TRMT10A: variants seen among roughly 807,000 people sequenced by gnomAD.
The protein encoded by TRMT10A is tRNA methyltransferase 10 homolog A.
A neutral mutation model predicts 40.4 loss-of-function variants in TRMT10A; 37 were observed. That is an observed-to-expected ratio of 0.92 (90% CI 0.71 to 1.21). TRMT10A has a LOEUF of 1.21. TRMT10A is among the 50% of genes most tolerant of loss of function. The pLI, the probability that TRMT10A is intolerant of heterozygous loss-of-function variation, is 0.00. For missense variants in TRMT10A, 388 were observed against 404.3 expected (o/e 0.96, Z 0.35); for synonymous variants, 103 against 134.1 (o/e 0.77, Z 1.60).
intron 4 of TRMT10A, 98 bp downstream of exon 4, chr4:99,557,247 C>T (rs1724196548): frequency 8.3e-7 from 1 of 1,208,382 alleles, no homozygotes; most frequent in South Asian, 1.6e-5. Context: ...ACAAGATTAC[C>T]TGTAAGACTA....
intron 1 of TRMT10A, 123 bp downstream of exon 1, chr4:99,563,790 C>T (rs1724567368): frequency 3.6e-6 from 2 of 555,846 alleles, no homozygotes; most frequent in Middle Eastern, 3.0e-4. Context: ...ACCACTTCCA[C>T]ACCACTGCTC....
intron 6 of TRMT10A, among the ~76,000 whole-genome samples, chr4:99,552,890 G>C (rs35112301): frequency 0.087 from 13,096 of 150,436 alleles, 1,026 homozygotes; most frequent in African/African-American, 0.2. Context: ...ATACTTGGTG[G>C]GGGGGGGAGG....
chr4:99,557,309 G>A, intron 4 of TRMT10A, 36 bp downstream of exon 4: 1 of 1,581,650 alleles, frequency 6.3e-7, no homozygotes, highest in Non-Finnish European at 8.6e-7. Flanking sequence ...AGACATAAAA[G>A]AAAACTAGAG....
At chr4:99,559,057 G>T in intron 2 of TRMT10A, 97 bp downstream of exon 2, 1 of 1,217,240 alleles carries the variant, frequency 8.2e-7, no homozygotes, top group Non-Finnish European at 1.1e-6. Context: ...TGAATTTTAA[G>T]TAACACAATT....
Position 99,559,167 on chromosome 4 carries a change from G to A in TRMT10A, c.172C>T (p.Arg58Trp), listed in dbSNP as rs767807581. The change falls in exon 2 of 8, where the codon CGG (arginine) becomes TGG (tryptophan). Residue 58 changes from arginine to tryptophan, a missense_variant. By Grantham distance (101) the Arg-to-Trp change is moderately radical. Transcript: ENST00000394876. ...LIKQKQWEEQ[R>W]ELRKQKRKEK... The stretch of plus-strand genomic sequence containing the variant: ...TGAAACACATACTTGCGGAGTTCCC[G>A]TTGCTCTTCCCATTGTTTCTGTTTT... 12 of 1,611,844 alleles carry A rather than the reference G, an allele frequency of 7.4e-6. No homozygotes were observed. Among genetic ancestry groups the A allele is most frequent in the East Asian group, 6.7e-5 (3 of 44,830 alleles).
rs762306819 is a variant in TRMT10A at position 99,559,261 on chromosome 4, C to G, written c.78G>C (p.Glu26Asp). The change falls in exon 2 of 8, where the codon GAG becomes GAC. Residue 26 changes from glutamate to aspartate, a missense_variant. Transcript: ENST00000394876. The part of the protein sequence containing the change: ...DKKQGINEDQ[E>D]ESQKPRLGEG... ...CACCTAATCTTGGCTTCTGGCTCTC[C>G]TCTTGATCTTCATTTATGCCTTGCT... The G allele has an allele frequency of 1.2e-5, 20 of 1,613,444 alleles. No individual in the cohort carries two copies. Among genetic ancestry groups the G allele is most frequent in the Non-Finnish European group, 1.6e-5 (19 of 1,179,658 alleles).
At position 99,547,033 on chromosome 4, in the gene TRMT10A, T is replaced by TGTGACCTTATTTGGA. The variant is rs1723762224; in HGVS notation, c.*2040_*2054dup. On this transcript the variant is annotated 3_prime_UTR_variant, in exon 8 of 8. Transcript: ENST00000394876. Reference sequence around the variant, plus strand: ...ATCCTAACACATGGTACCCTGTAAATGTGACCTTATTTGGAGACAGGGTCT... The same window carrying TGTGACCTTATTTGGA: ...ATCCTAACACATGGTACCCTGTAAATGTGACCTTATTTGGAGTGACCTTATTTGGAGACAGGGTCT... The TGTGACCTTATTTGGA allele has an allele frequency of 6.6e-6, 1 of 151,938 alleles. No individual in the cohort carries two copies. The highest frequency in any genetic ancestry group is 2.4e-5 in the African/African-American group (1 of 41,330). The allele number at this position is 151,938 out of a possible 1,614,324, so 9.4% of individuals were successfully genotyped here. A position where few individuals can be genotyped will look rare whatever the true frequency, so the allele number is the denominator to read the frequency against.
intron 1 of TRMT10A, among the ~76,000 whole-genome samples, chr4:99,562,171 CAA>C (rs1217975062): frequency 4.2e-5 from 4 of 94,286 alleles, no homozygotes; most frequent in Non-Finnish European, 4.4e-5. Flanking sequence ...ACTCCGTCTC[CAA>C]AAAAAAAAAA....
In TRMT10A at chr4:99,548,942, T is replaced by TA; in HGVS notation, c.*145_*146insT. 1.3e-6 allele frequency: 1 copy of TA among 745,542 alleles called. No individual in the cohort carries two copies. Among genetic ancestry groups the TA allele is most frequent in the Non-Finnish European group, 2.0e-6 (1 of 511,088 alleles). 46.2% of individuals were successfully genotyped at this position (745,542 alleles called of 1,614,324 possible). A position where few individuals can be genotyped will look rare whatever the true frequency, so the allele number is the denominator to read the frequency against. ...CTTACAAAGTTTAAAGGGCTTTTTT[T>TA]TTTATTATTATTTAGGTCCAAAAAA... On this transcript the variant is annotated 3_prime_UTR_variant, in exon 8 of 8. Coordinates refer to ENST00000394876, the MANE Select transcript of TRMT10A (RefSeq NM_001134665.3).
intron 1 of TRMT10A, among the ~76,000 whole-genome samples, chr4:99,559,764 C>A (rs1487090646): frequency 1.3e-5 from 2 of 152,074 alleles, no homozygotes; most frequent in Non-Finnish European, 2.9e-5. Flanking sequence ...AAGTTAGAAA[C>A]CTCCTGAATG....
At chr4:99,558,826 A>C (rs17029135) in intron 2 of TRMT10A, among the ~76,000 whole-genome samples, 25,276 of 152,016 alleles carry the variant, frequency 0.17, 2,627 homozygotes, top group East Asian at 0.44. Flanking sequence ...TACATCCCTT[A>C]TCTAAGTCAG....
Position 99,547,517 on chromosome 4 carries a change from AT to A in TRMT10A, c.*1570del, listed in dbSNP as rs1723783127. Reference sequence around the variant, plus strand: ...ACAGTGCCCTATTTTACATAAAATAATTTAAGTAAAAGGCATAATATTTCAT... The same window carrying A: ...ACAGTGCCCTATTTTACATAAAATAATTAAGTAAAAGGCATAATATTTCAT... On this transcript the variant is annotated 3_prime_UTR_variant, in exon 8 of 8. Transcript: ENST00000394876. The A allele has an allele frequency of 1.3e-5, 2 of 152,144 alleles. No homozygotes were observed. Among genetic ancestry groups the A allele is most frequent in the African/African-American group, 2.4e-5 (1 of 41,450 alleles). 9.4% of individuals were successfully genotyped at this position (152,144 alleles called of 1,614,324 possible).
Position 99,564,008 on chromosome 4 carries a change from A to G in TRMT10A, c.-119T>C. ...CACGCTTCCTTCCACAGAAACTTCA[A>G]TTCCCAGAGGCAGGGGCGGTAGTTA... On this transcript the variant is annotated 5_prime_UTR_variant, in exon 1 of 8. Transcript: ENST00000394876. 6.7e-7 allele frequency: 1 copy of G among 1,483,936 alleles called. No homozygotes were observed. Among genetic ancestry groups the G allele is most frequent in the East Asian group, 2.5e-5 (1 of 40,614 alleles). 91.9% of individuals were successfully genotyped at this position (1,483,936 alleles called of 1,614,324 possible). A position where few individuals can be genotyped will look rare whatever the true frequency, so the allele number is the denominator to read the frequency against.
rs757530247 is a variant in TRMT10A, at chr4:99,549,273, C to T, written c.835G>A (p.Val279Ile). 1 of 1,614,160 alleles carries T rather than the reference C, an allele frequency of 6.2e-7. No individual in the cohort carries two copies. The highest frequency in any genetic ancestry group is 1.7e-5 in the Admixed American group (1 of 60,014). Reference sequence around the variant, plus strand: ...CTTTCACAGGCTTTGTCTGTGGGAACAGCTCCTTTCCGTTGGGGCAAGATA... The same window carrying T: ...CTTTCACAGGCTTTGTCTGTGGGAATAGCTCCTTTCCGTTGGGGCAAGATA... Reference protein sequence around the residue: ...FTILPQRKGAVPTDKACESAS... With the variant: ...FTILPQRKGAIPTDKACESAS... The change falls in exon 8 of 8, where the codon GTT becomes ATT. Residue 279 changes from valine to isoleucine, a missense_variant. Coordinates refer to ENST00000394876, the MANE Select transcript of TRMT10A (RefSeq NM_001134665.3).
At position 99,558,129 on chromosome 4, in the gene TRMT10A, TTC is replaced by T; in HGVS notation, c.266_267del (p.Arg89LysfsTer10). On this transcript the variant is annotated frameshift_variant, in exon 3 of 8. Transcript: ENST00000394876. LOFTEE classifies it high-confidence loss of function. ...TGAACAACATCTCTTCGAACACGTT[TTC>T]TGTCATGTCCATCTGAGTTTGGTTC... ...QMEPNSDGHD[R>X]KRVRRDVVHS... is the part of the protein sequence containing the mutation. The T allele has an allele frequency of 6.2e-7, 1 of 1,612,848 alleles. No individual in the cohort carries two copies. Among genetic ancestry groups the T allele is most frequent in the Non-Finnish European group, 8.5e-7 (1 of 1,179,470 alleles).
At chr4:99,559,922 A>C (rs558050783) in intron 1 of TRMT10A, among the ~76,000 whole-genome samples, 5 of 152,276 alleles carry the variant, frequency 3.3e-5, no homozygotes, top group South Asian at 2.1e-4. Flanking sequence ...CAATATATAC[A>C]TTACGACCAA....
rs1723815454 is a variant in TRMT10A at position 99,548,293 on chromosome 4, T to C, written c.*795A>G. On this transcript the variant is annotated 3_prime_UTR_variant, in exon 8 of 8. Transcript: ENST00000394876. ...AGAGCCAACAAATTTAAAAAAAATA[T>C]GGAAAAAAAAACCACAGCTGCTAAG... 1 of 150,930 alleles carries C rather than the reference T, an allele frequency of 6.6e-6. No homozygotes were observed. Among genetic ancestry groups the C allele is most frequent in the Non-Finnish European group, 1.5e-5 (1 of 67,616 alleles). 9.3% of individuals were successfully genotyped at this position (150,930 alleles called of 1,614,324 possible).
At chr4:99,552,078 T>A (rs930548399) in intron 6 of TRMT10A, among the ~76,000 whole-genome samples, 1 of 152,104 alleles carries the variant, frequency 6.6e-6, no homozygotes, top group African/African-American at 2.4e-5. Context: ...GTTTAAAAAA[T>A]TAAGTTTATA....
At position 99,564,034 on chromosome 4, in the gene TRMT10A, C is replaced by G; in HGVS notation, c.-145G>C. On this transcript the variant is annotated 5_prime_UTR_variant, in exon 1 of 8. Transcript: ENST00000394876. The stretch of plus-strand genomic sequence containing the variant: ...TTCCCAGAGGCAGGGGCGGTAGTTA[C>G]GCAGTGGAGGCTACGGCGGTTGCGT... 6.6e-7 allele frequency: 1 copy of G among 1,525,276 alleles called. No homozygotes were observed. Among genetic ancestry groups the G allele is most frequent in the Non-Finnish European group, 8.8e-7 (1 of 1,138,210 alleles). 94.5% of individuals were successfully genotyped at this position (1,525,276 alleles called of 1,614,324 possible).
Sources: gnomAD v4.1 joint callset for allele counts (sites outside exome capture counted in the v4.1 genomes callset) on GRCh38, gnomAD v4.1.1 for gene constraint, MANE v1.5 for transcripts, NCBI Gene and HGNC (gene_info 2026-07-23, HGNC 2026-07-21) for gene names.